Variants in NAA50 observed in about 807,000 individuals in gnomAD.
The protein encoded by NAA50 is N-alpha-acetyltransferase 50.
NAA50 carries 7 observed loss-of-function variants against 20.7 expected under a neutral mutation model. That is an observed-to-expected ratio of 0.34 (90% confidence interval 0.19 to 0.63). NAA50 has a LOEUF of 0.63. Ranked by LOEUF, NAA50 falls within the 30% of genes least tolerant of loss-of-function variation. NAA50 has a pLI of 0.75. For synonymous variants in NAA50, 54 were observed against 70.6 expected (o/e 0.77, Z 1.18); for missense variants, 111 against 199.1 (o/e 0.56, Z 2.66).
At chr3:113,737,742 T>G (rs1365395734) in intron 1 of NAA50, among the ~76,000 whole-genome samples, 1 of 152,196 alleles carries the variant, frequency 6.6e-6, no homozygotes, top group Non-Finnish European at 1.5e-5. Context: ...TCTGGTACAC[T>G]GCAGAATACT....
At chr3:113,725,420 A>G (rs2107985622) in intron 1 of NAA50, among the ~76,000 whole-genome samples, 2 of 152,348 alleles carry the variant, frequency 1.3e-5, no homozygotes, top group Middle Eastern at 3.4e-3. Flanking sequence ...TGTAATTTTA[A>G]AAACTGTATT....
rs1708494781 is a variant in NAA50, at chr3:113,746,054, C to T, written c.-105G>A. 6 of 1,484,448 alleles carry T rather than the reference C, an allele frequency of 4.0e-6. No homozygotes were observed. The South Asian group carries it at 6.0e-5, about 15-fold the overall frequency. 92.0% of individuals were successfully genotyped at this position (1,484,448 alleles called of 1,614,324 possible). A position where few individuals can be genotyped will look rare whatever the true frequency, so the allele number is the denominator to read the frequency against. On this transcript the variant is annotated 5_prime_UTR_variant, in exon 1 of 5. Transcript: ENST00000240922. Reference sequence around the variant, plus strand: ...GCTCGGGCCACTCAACCCCGCAAGCCGGCCTCCTAGCCTGGGCAGGGAGCT... The same window carrying T: ...GCTCGGGCCACTCAACCCCGCAAGCTGGCCTCCTAGCCTGGGCAGGGAGCT...
chr3:113,732,089 T>C (rs754207767), intron 1 of NAA50, among the ~76,000 whole-genome samples: 14 of 152,324 alleles, frequency 9.2e-5, no homozygotes, highest in Middle Eastern at 3.4e-3. Flanking sequence ...GTACATGTCA[T>C]AATCCCAGGA....
chr3:113,734,257 T>C (rs1708310006), intron 1 of NAA50, among the ~76,000 whole-genome samples: 1 of 151,972 alleles, frequency 6.6e-6, no homozygotes, highest in Non-Finnish European at 1.5e-5. Flanking sequence ...ACTGGGTACA[T>C]ATGAACATAA....
At chr3:113,725,576 G>A (rs2107985701) in intron 1 of NAA50, among the ~76,000 whole-genome samples, 1 of 152,056 alleles carries the variant, frequency 6.6e-6, no homozygotes, top group East Asian at 1.9e-4. Flanking sequence ...GACCAACCTG[G>A]GCATATAGCA....
At chr3:113,736,687 T>G (rs1295772420) in intron 1 of NAA50, among the ~76,000 whole-genome samples, 1 of 152,152 alleles carries the variant, frequency 6.6e-6, no homozygotes, top group East Asian at 1.9e-4. Flanking sequence ...AAAGTGGGTC[T>G]CGGTAAAAAG....
At chr3:113,730,550 A>G (rs970130788) in intron 1 of NAA50, among the ~76,000 whole-genome samples, 1 of 152,158 alleles carries the variant, frequency 6.6e-6, no homozygotes, top group Non-Finnish European at 1.5e-5. Flanking sequence ...TCATGTAACC[A>G]TTACCAAAAT....
chr3:113,728,073 C>T (rs1469534597), intron 1 of NAA50, among the ~76,000 whole-genome samples: 2 of 127,236 alleles, frequency 1.6e-5, no homozygotes, highest in African/African-American at 5.9e-5. Context: ...GCAAGGAACA[C>T]GGAGTTAAAA....
chr3:113,733,316 T>G (rs984758543), intron 1 of NAA50, among the ~76,000 whole-genome samples: 3 of 149,586 alleles, frequency 2.0e-5, no homozygotes, highest in African/African-American at 7.4e-5. Flanking sequence ...TTTGCAATTT[T>G]TCTAAAAATC....
chr3:113,746,229 G>A lies in NAA50; in HGVS notation c.-280C>T, dbSNP rs530662783. 9.5e-4 allele frequency: 448 copies of A among 473,978 alleles called. 1 individual carries two copies. Among genetic ancestry groups the A allele is most frequent in the Non-Finnish European group, 1.4e-3 (379 of 268,322 alleles). 29.4% of individuals were successfully genotyped at this position (473,978 alleles called of 1,614,324 possible). A position where few individuals can be genotyped will look rare whatever the true frequency, so the allele number is the denominator to read the frequency against. ...CCCGCCGCTGCCGCCAGCCAGACCC[G>A]CTGCCGCGCTGTGACCTTTCACCCC... On this transcript the variant is annotated 5_prime_UTR_variant, in exon 1 of 5. Coordinates refer to ENST00000240922, the MANE Select transcript of NAA50 (RefSeq NM_025146.4).
At chr3:113,741,818 C>T (rs1708420831) in intron 1 of NAA50, among the ~76,000 whole-genome samples, 1 of 152,132 alleles carries the variant, frequency 6.6e-6, no homozygotes, top group Non-Finnish European at 1.5e-5. Flanking sequence ...AATGGCAACA[C>T]AACATGAGTC....
At chr3:113,729,591 T>C (rs1708245489) in intron 1 of NAA50, among the ~76,000 whole-genome samples, 1 of 151,874 alleles carries the variant, frequency 6.6e-6, no homozygotes, top group African/African-American at 2.4e-5. Flanking sequence ...TTGCCCAGGC[T>C]AGAGTGCAGT....
chr3:113,725,313 T>G (rs745425786), intron 1 of NAA50, among the ~76,000 whole-genome samples: 1 of 152,216 alleles, frequency 6.6e-6, no homozygotes, highest in African/African-American at 2.4e-5. Flanking sequence ...ATATTGTGTT[T>G]TGTAGAGAAA....
At chr3:113,726,174 G>T (rs1708195752) in intron 1 of NAA50, among the ~76,000 whole-genome samples, 1 of 151,982 alleles carries the variant, frequency 6.6e-6, no homozygotes, top group Admixed American at 6.6e-5. Context: ...CAACCACACA[G>T]ATTAAATAAA....
At chr3:113,744,032 C>G (rs1323881779) in intron 1 of NAA50, among the ~76,000 whole-genome samples, 2 of 152,154 alleles carry the variant, frequency 1.3e-5, no homozygotes, top group African/African-American at 4.8e-5. Context: ...CTGGCAACCC[C>G]TTCGTAAATC....
At chr3:113,734,105 T>C (rs1708307444) in intron 1 of NAA50, among the ~76,000 whole-genome samples, 1 of 152,122 alleles carries the variant, frequency 6.6e-6, no homozygotes, top group African/African-American at 2.4e-5. Flanking sequence ...ACATACACCA[T>C]GGAATACTAC....
Position 113,745,734 on chromosome 3 carries a change from G to A in NAA50, c.8+208C>T, listed in dbSNP as rs188795899. 104 of 571,922 alleles carry A rather than the reference G, an allele frequency of 1.8e-4. No homozygotes were observed. In the East Asian group the frequency reaches 3.1e-3, roughly 17 times the overall value. The allele number at this position is 571,922 out of a possible 1,614,324, so 35.4% of individuals were successfully genotyped here. A position where few individuals can be genotyped will look rare whatever the true frequency, so the allele number is the denominator to read the frequency against. On this transcript the variant is annotated intron_variant, in intron 1 of 4. Transcript: ENST00000240922. Reference sequence around the variant, plus strand: ...CGAACCGAAACCCTGAAGCCCCCCGGGTCTTGCCTCCGCTGGCCCTTCAGC... The same window carrying A: ...CGAACCGAAACCCTGAAGCCCCCCGAGTCTTGCCTCCGCTGGCCCTTCAGC...
intron 1 of NAA50, among the ~76,000 whole-genome samples, chr3:113,735,500 A>G (rs555863324): frequency 6.6e-6 from 1 of 152,366 alleles, no homozygotes; most frequent in South Asian, 2.1e-4. Flanking sequence ...TGGAAAAACT[A>G]TCCTATATGA....
rs1400227933 is a variant in NAA50, at chr3:113,724,157, A to G, written c.9-62T>C. 6 of 1,378,820 alleles carry G rather than the reference A, an allele frequency of 4.4e-6. No homozygotes were observed. In the African/African-American group the frequency reaches 8.8e-5, roughly 20 times the overall value. The allele number at this position is 1,378,820 out of a possible 1,614,324, so 85.4% of individuals were successfully genotyped here. A position where few individuals can be genotyped will look rare whatever the true frequency, so the allele number is the denominator to read the frequency against. On this transcript the variant is annotated intron_variant, in intron 1 of 4. Transcript: ENST00000240922. The stretch of plus-strand genomic sequence containing the variant: ...TAGCCCCATTTGTTAATATGAACAT[A>G]TGAAAGGGGTACCAAGTCTTTTTTA...
Sources: gnomAD v4.1 joint callset for allele counts (sites outside exome capture counted in the v4.1 genomes callset) on GRCh38, gnomAD v4.1.1 for gene constraint, MANE v1.5 for transcripts, NCBI Gene and HGNC (gene_info 2026-07-23, HGNC 2026-07-21) for gene names.